INTS1: variants seen among roughly 807,000 people sequenced by gnomAD.
The protein encoded by INTS1 is integrator complex subunit 1.
Under a neutral mutation model 241.6 loss-of-function variants are expected in INTS1, and 137 were observed. The ratio of observed to expected loss-of-function variants is 0.57; its 90% confidence interval spans 0.49 to 0.65. The LOEUF (loss-of-function observed/expected upper bound fraction) is 0.65, where lower values mean the gene tolerates loss of function less well. Among genes scored for constraint, INTS1 ranks in the 30% least tolerant of loss-of-function variants. The pLI is 0.00. For synonymous variants in INTS1, 1,692 were observed against 1,337.8 expected, an observed-to-expected ratio of 1.26 and a Z score of -5.78; for missense variants, 3,073 against 3,032.2, an observed-to-expected ratio of 1.01 and a Z score of -0.32.
At chr7:1,472,503 T>C (rs1244488435) in intron 43 of INTS1, 117 bp from the exon 44 acceptor site, 1 of 678,514 alleles carries the variant, frequency 1.5e-6, no homozygotes, top group Non-Finnish European at 2.4e-6. Flanking sequence ...CCAAGGTGCC[T>C]GCACACAGCA....
Position 1,487,311 on chromosome 7 carries a change from G to A in INTS1, c.2646+9C>T, listed in dbSNP as rs1341432844. On this transcript the variant is annotated intron_variant, in intron 20 of 47. Transcript: ENST00000404767. ...CACCATCTCTACCTCCTGGAGCCTC[G>A]GCACTCACCTGCCGCTGGATGATGT... 7.6e-6 allele frequency: 12 copies of A among 1,584,110 alleles called. No individual in the cohort carries two copies. The highest frequency in any genetic ancestry group is 2.3e-5 in the South Asian group (2 of 87,016).
At chr7:1,484,734 TCG>T (rs1554276474) in intron 24 of INTS1, among the ~76,000 whole-genome samples, 1 of 152,188 alleles carries the variant, frequency 6.6e-6, no homozygotes, top group Non-Finnish European at 1.5e-5. Flanking sequence ...CCCCGTGGCT[TCG>T]CATCCTCAGG....
Position 1,493,986 on chromosome 7 carries a change from G to A in INTS1, c.1911-75C>T. ...GACCTGAGGGGCCGAGGACAGGCCA[G>A]CTTCTCCCTCAGAGCCCACGGGCTG... On this transcript the variant is annotated intron_variant, in intron 14 of 47. Transcript: ENST00000404767. This position sits in a 1 kb window ranked among gnomAD's most constrained non-coding sequence, Gnocchi z 5.3. 3 of 1,479,896 alleles carry A rather than the reference G, an allele frequency of 2.0e-6. No individual in the cohort carries two copies. Among genetic ancestry groups the A allele is most frequent in the Admixed American group, 2.2e-5 (1 of 45,410 alleles). The allele number at this position is 1,479,896 out of a possible 1,614,324, so 91.7% of individuals were successfully genotyped here.
At chr7:1,489,832 G>C in intron 16 of INTS1, 150 bp from the exon 17 acceptor site, 1 of 583,558 alleles carries the variant, frequency 1.7e-6, no homozygotes, top group Non-Finnish European at 3.0e-6. Context: ...CCAAGCATGT[G>C]CATCAGCCTG....
Position 1,470,399 on chromosome 7 carries a change from G to A in INTS1, c.*178C>T, listed in dbSNP as rs113885043. 28 of 523,038 alleles carry A rather than the reference G, an allele frequency of 5.4e-5. No individual in the cohort carries two copies. The highest frequency in any genetic ancestry group is 5.0e-4 in the Middle Eastern group (1 of 1,996). The allele number at this position is 523,038 out of a possible 1,614,324, so 32.4% of individuals were successfully genotyped here. A position where few individuals can be genotyped will look rare whatever the true frequency, so the allele number is the denominator to read the frequency against. ...TTGCTGGACGGCCCCTGATGCCAGC[G>A]GCCGGCCCGGAGCCACCCCAGGGCT... is the stretch of plus-strand genomic sequence containing the variant. On this transcript the variant is annotated 3_prime_UTR_variant, in exon 48 of 48. Transcript: ENST00000404767.
At chr7:1,471,483 C>A in intron 45 of INTS1, 88 bp downstream of exon 45, 2 of 1,417,800 alleles carry the variant, frequency 1.4e-6, no homozygotes, top group Non-Finnish European at 2.0e-6. Flanking sequence ...GGGCTCAGCG[C>A]GGGCACGCCA....
intron 44 of INTS1, 182 bp from the exon 45 acceptor site, chr7:1,471,823 G>A: frequency 1.6e-6 from 1 of 617,398 alleles, no homozygotes; most frequent in South Asian, 1.9e-5. Context: ...ACCCGGCCCT[G>A]CCCCTACTAG....
rs761618655 is a variant in INTS1 at position 1,476,621 on chromosome 7, G to C, written c.5100C>G (p.Ala1700=). The C allele has an allele frequency of 6.2e-7, 1 of 1,612,700 alleles. No individual in the cohort carries two copies. The highest frequency in any genetic ancestry group is 1.7e-5 in the Admixed American group (1 of 60,034). ...GCCAGATGCGAGGAACATGGATGCA[G>C]GCCCAGAGGAAGTCCAGAGAGGCAG... The part of the protein sequence containing the change: ...DPSASLDFLW[A]CIHVPRIWQG... Residue 1700 remains alanine, a synonymous_variant, in exon 37 of 48, where the codon GCC becomes GCG. Transcript: ENST00000404767.
rs745690904 is a variant in INTS1, at chr7:1,476,915, T to G, written c.4942A>C (p.Lys1648Gln). The G allele has an allele frequency of 6.2e-7, 1 of 1,610,338 alleles. No individual in the cohort carries two copies. Among genetic ancestry groups the G allele is most frequent in the Non-Finnish European group, 8.5e-7 (1 of 1,179,300 alleles). The change falls in exon 36 of 48, where the codon AAA (lysine) becomes CAA (glutamine). Residue 1648 changes from lysine (K) to glutamine (Q), a missense_variant. Transcript: ENST00000404767. ...AACGAGGGCACCTGGGCCTGACCTT[T>G]GCCCTGGGGAGGGAGGAAGAAGCCC... ...LRLLFSRRKG[K>Q]GQAQVPSFRP...
At position 1,478,366 on chromosome 7, in the gene INTS1, C is replaced by G; in HGVS notation, c.4630G>C (p.Val1544Leu). 1 of 1,612,196 alleles carries G rather than the reference C, an allele frequency of 6.2e-7. No individual in the cohort carries two copies. The highest frequency in any genetic ancestry group is 8.5e-7 in the Non-Finnish European group (1 of 1,179,380). ...CSVEPDLISK[V>L]LQGLIEVRSP... ...CAAGAGGATGGTGCCAGGAAGGTACCTTTGCTGATCAGGTCCGGCTCCACG... is the reference window on the plus strand; with the variant it reads ...CAAGAGGATGGTGCCAGGAAGGTACGTTTGCTGATCAGGTCCGGCTCCACG... The change falls in exon 33 of 48, where the codon GTC becomes CTC. Residue 1544 changes from valine to leucine, a missense_variant and splice_region_variant. Coordinates refer to ENST00000404767, the MANE Select transcript of INTS1 (RefSeq NM_001080453.3).
At chr7:1,504,054 G>C (rs926960406) in intron 1 of INTS1, 53 bp from the exon 2 acceptor site, 50 of 940,864 alleles carry the variant, frequency 5.3e-5, no homozygotes, top group Middle Eastern at 5.1e-4. Flanking sequence ...TCGTTCGCTC[G>C]CTCATTCGCT....
Position 1,499,554 on chromosome 7 carries a change from T to C in INTS1, c.763A>G (p.Thr255Ala). 1 of 1,613,480 alleles carries C rather than the reference T, an allele frequency of 6.2e-7. No individual in the cohort carries two copies. Among genetic ancestry groups the C allele is most frequent in the East Asian group, 2.2e-5 (1 of 44,860 alleles). Residue 255 changes from threonine to alanine, a missense_variant, in exon 6 of 48, where the codon ACG (threonine) becomes GCG (alanine). Coordinates refer to ENST00000404767, the MANE Select transcript of INTS1 (RefSeq NM_001080453.3). ...HCKTFVDNIQ[T>A]AFNTRMPPRS... ...GGGGGCATTCTGGTGTTGAAGGCCG[T>C]CTGGATGTTGTCCACAAACGTCTTA...
Position 1,474,691 on chromosome 7 carries a change from T to C in INTS1, c.5636+14A>G. 1 of 1,555,428 alleles carries C rather than the reference T, an allele frequency of 6.4e-7. No individual in the cohort carries two copies. ...AACCAGTGTCTGGCGAGGGCAGGGC[T>C]TCTGGGACAGCACCTGAGCAGCAGC... On this transcript the variant is annotated intron_variant, in intron 40 of 47. Coordinates refer to ENST00000404767, the MANE Select transcript of INTS1 (RefSeq NM_001080453.3).
In INTS1 at chr7:1,472,295, A is replaced by G. The variant is rs1781508938; in HGVS notation, c.6162T>C (p.Leu2054=). The G allele has an allele frequency of 2.6e-6, 4 of 1,559,658 alleles. No individual in the cohort carries two copies. In the South Asian group the frequency reaches 3.5e-5, roughly 14 times the overall value. Residue 2054 remains leucine (L), a synonymous_variant, in exon 44 of 48, where the codon CTT becomes CTC. Transcript: ENST00000404767. ...AAEMAPYMKR[L]SRGQTVEDLL... ...CACCCTCCACCGTTTGGCCCCGGGA[A>G]AGCCGTTTCATGTAGGGGGCCATCT...
chr7:1,481,514 C>A lies in INTS1; in HGVS notation c.3704-26G>T, dbSNP rs747662649. The A allele has an allele frequency of 3.8e-6, 6 of 1,583,840 alleles. No homozygotes were observed. The Admixed American group carries it at 5.1e-5, about 13-fold the overall frequency. On this transcript the variant is annotated intron_variant, in intron 27 of 47. Transcript: ENST00000404767. The surrounding 1 kb of genome is among the most constrained non-coding windows in gnomAD (Gnocchi z 6.8). ...CTGAGGGTGCACGCGCTCCGTAACG[C>A]CACCCAAAACCCGGGCAATGCGCAC... is the stretch of plus-strand genomic sequence containing the variant.
In INTS1 at chr7:1,473,682, C is replaced by T. The variant is rs766940024; in HGVS notation, c.5841G>A (p.Lys1947=). 1 of 1,613,184 alleles carries T rather than the reference C, an allele frequency of 6.2e-7. No individual in the cohort carries two copies. The highest frequency in any genetic ancestry group is 1.1e-5 in the South Asian group (1 of 91,062). The change falls in exon 42 of 48, where the codon AAG becomes AAA. Residue 1947 remains lysine, a synonymous_variant. Transcript: ENST00000404767. The part of the protein sequence containing the change: ...SFIRLLLNYR[K]SSRHLAAFIN... Reference sequence around the variant, plus strand: ...TGAAGGCAGCCAGATGGCGGGAGGACTTCCTGTAATTCTGCAAAGCAAAAG... The same window carrying T: ...TGAAGGCAGCCAGATGGCGGGAGGATTTCCTGTAATTCTGCAAAGCAAAAG...
In INTS1 at chr7:1,499,648, A is replaced by G; in HGVS notation, c.685-16T>C. ...CGATGTACACCTGTGTGGCAGCCACACCCTCAGCCCCGAGCCCAGCCGGGC... is the reference window on the plus strand; with the variant it reads ...CGATGTACACCTGTGTGGCAGCCACGCCCTCAGCCCCGAGCCCAGCCGGGC... On this transcript the variant is annotated splice_polypyrimidine_tract_variant and intron_variant, in intron 5 of 47. Transcript: ENST00000404767. 1.3e-6 allele frequency: 2 copies of G among 1,583,734 alleles called. No homozygotes were observed. Among genetic ancestry groups the G allele is most frequent in the Non-Finnish European group, 1.7e-6 (2 of 1,158,826 alleles).
intron 31 of INTS1, 35 bp downstream of exon 31, chr7:1,479,395 C>T: frequency 6.5e-7 from 1 of 1,548,004 alleles, no homozygotes; most frequent in Non-Finnish European, 8.7e-7. Flanking sequence ...GCCCTCACTG[C>T]CCTCCTCCCC....
Position 1,474,246 on chromosome 7 carries a change from C to G in INTS1, c.5751G>C (p.Leu1917=), listed in dbSNP as rs912133912. 6.2e-7 allele frequency: 1 copy of G among 1,604,632 alleles called. No individual in the cohort carries two copies. Among genetic ancestry groups the G allele is most frequent in the Non-Finnish European group, 8.5e-7 (1 of 1,177,250 alleles). ...CFLHVLGLLE[L]LQPHVFRSEH... ...CGCTGCGGAACACGTGCGGCTGCAG[C>G]AGCTCCAGCAGGCCCAGCACGTGCA... The change falls in exon 41 of 48, where the codon CTG becomes CTC. Residue 1917 remains leucine (L), a synonymous_variant. Transcript: ENST00000404767.
Sources: gnomAD v4.1 joint callset for allele counts (sites outside exome capture counted in the v4.1 genomes callset) on GRCh38, gnomAD v4.1.1 for gene constraint, Gnocchi (gnomAD v3.1) non-coding constraint, MANE v1.5 for transcripts, NCBI Gene and HGNC (gene_info 2026-07-23, HGNC 2026-07-21) for gene names.